VPS13B: variants seen among roughly 807,000 people sequenced by gnomAD.
VPS13B encodes intermembrane lipid transfer protein VPS13B.
In VPS13B, 285 loss-of-function variants were observed where a neutral mutation model predicts 426.4. That is an observed-to-expected ratio of 0.67 (90% CI 0.61 to 0.74). The LOEUF (loss-of-function observed/expected upper bound fraction) is 0.74. VPS13B is among the 30% of genes least tolerant of loss of function. The probability of loss-of-function intolerance (pLI) is 0.00; values close to 1 mark genes in which losing one functional copy is unlikely to be tolerated. For synonymous variants in VPS13B, 1,676 were observed against 1,676.4 expected, an observed-to-expected ratio of 1.00 and a Z score of 0.01; for missense variants, 4,537 against 4,782.6, an observed-to-expected ratio of 0.95 and a Z score of 1.51.
At chr8:99,198,441 ATTTTTC>A (rs891332793) in intron 17 of VPS13B, among the ~76,000 whole-genome samples, 2 of 151,774 alleles carry the variant, frequency 1.3e-5, no homozygotes, top group Non-Finnish European at 2.9e-5. Flanking sequence ...TGCTTTTATA[ATTTTTC>A]TTTTTCCTAG....
chr8:99,815,683 AT>A (rs1158718418), intron 44 of VPS13B, among the ~76,000 whole-genome samples: 6 of 152,168 alleles, frequency 3.9e-5, no homozygotes, highest in African/African-American at 1.4e-4. Context: ...TTCTGGAAAA[AT>A]ATTACAAATA....
intron 3 of VPS13B, among the ~76,000 whole-genome samples, chr8:99,045,171 C>T (rs888342194): frequency 2.0e-5 from 3 of 152,170 alleles, no homozygotes; most frequent in African/African-American, 7.2e-5. Context: ...TTCCCACCAG[C>T]AGTGTAGAAG....
At chr8:99,344,374 C>T (rs1377913581) in intron 19 of VPS13B, among the ~76,000 whole-genome samples, 1 of 152,142 alleles carries the variant, frequency 6.6e-6, no homozygotes, top group Non-Finnish European at 1.5e-5. Flanking sequence ...AGGGAAAGCT[C>T]CTCAATATTA....
chr8:99,086,516 T>G (rs1430604330), intron 3 of VPS13B, among the ~76,000 whole-genome samples: 3 of 152,318 alleles, frequency 2.0e-5, no homozygotes, highest in Middle Eastern at 3.4e-3. Flanking sequence ...CTGCGTTCCT[T>G]TGGAGGAGGA....
rs1304852415 is a variant in VPS13B, at chr8:99,671,839, C to CTT, written c.6046+10348_6046+10349insTT. 7.9e-5 allele frequency among the ~76,000 whole-genome samples: 12 copies of CTT among 152,228 alleles called. No individual in the cohort carries two copies. In the South Asian group the frequency reaches 8.3e-4, roughly 11 times the overall value. Reference sequence around the variant, plus strand: ...ATAAGGATCTACTTTCATTCTTCTGCATGGGCTAGCTAGCTTTCCCAACAG... The same window carrying CTT: ...ATAAGGATCTACTTTCATTCTTCTGCTTATGGGCTAGCTAGCTTTCCCAACAG... On this transcript the variant is annotated intron_variant, in intron 35 of 61. Transcript: ENST00000357162.
chr8:99,176,760 A>G (rs1241548466), intron 16 of VPS13B, among the ~76,000 whole-genome samples: 3 of 152,212 alleles, frequency 2.0e-5, no homozygotes, highest in Admixed American at 6.5e-5. Context: ...CAGGATTGCT[A>G]TAAGAAAGGA....
At chr8:99,612,250 A>G (rs1056950948) in intron 33 of VPS13B, among the ~76,000 whole-genome samples, 2 of 152,190 alleles carry the variant, frequency 1.3e-5, no homozygotes, top group Non-Finnish European at 2.9e-5. Flanking sequence ...TCAAATGAGA[A>G]TAAGAGTAGC....
chr8:99,136,019 A>G (rs1020363127), intron 11 of VPS13B, among the ~76,000 whole-genome samples: 8 of 151,998 alleles, frequency 5.3e-5, no homozygotes, highest in Non-Finnish European at 1.2e-4. Flanking sequence ...GTTACTTTTA[A>G]TGTGTGGGAT....
chr8:99,573,320 A>T (rs1187268769), intron 31 of VPS13B, among the ~76,000 whole-genome samples: 15 of 152,074 alleles, frequency 9.9e-5, no homozygotes, highest in Non-Finnish European at 1.9e-4. Flanking sequence ...CCCATTTGTC[A>T]ATTTTGGCTT....
rs561037074 is a variant in VPS13B at position 99,663,907 on chromosome 8, C to T, written c.6046+2416C>T. Among the ~76,000 whole-genome samples the T allele has an allele frequency of 1.1e-4, 16 of 151,860 alleles. 1 individual carries two copies. The South Asian group carries it at 3.3e-3, about 32-fold the overall frequency. ...TAAATTAGATACAATATTTTCAAGG[C>T]AACCAAATCAATTGAATTTTAAGAG... On this transcript the variant is annotated intron_variant, in intron 35 of 61. Transcript: ENST00000357162.
intron 19 of VPS13B, among the ~76,000 whole-genome samples, chr8:99,312,307 C>T (rs1004622635): frequency 2.7e-5 from 4 of 149,518 alleles, no homozygotes; most frequent in Non-Finnish European, 5.9e-5. Context: ...TGGCTGCTAC[C>T]AGTTGTTCCT....
Position 99,115,821 on chromosome 8 carries a change from G to A in VPS13B, c.884G>A (p.Gly295Asp), listed in dbSNP as rs1847627643. The A allele has an allele frequency of 6.2e-7, 1 of 1,613,694 alleles. No individual in the cohort carries two copies. The highest frequency in any genetic ancestry group is 1.3e-5 in the African/African-American group (1 of 75,026). ...YYGEIGNFKE[G>D]EIEDLTCHNK... ...GGAGAAATAGGCAATTTTAAAGAAGGCGAAATAGAGGACCTTACTTGTCAT... is the reference window on the plus strand; with the variant it reads ...GGAGAAATAGGCAATTTTAAAGAAGACGAAATAGAGGACCTTACTTGTCAT... The change falls in exon 7 of 62, where the codon GGC becomes GAC. Residue 295 changes from glycine to aspartate, a missense_variant. Transcript: ENST00000357162.
intron 33 of VPS13B, among the ~76,000 whole-genome samples, chr8:99,619,596 G>A (rs946843072): frequency 6.6e-6 from 1 of 152,166 alleles, no homozygotes; most frequent in Non-Finnish European, 1.5e-5. Context: ...GTCTGGCCAG[G>A]TATGGGAGTT....
chr8:99,836,508 G>C (rs535054292), intron 54 of VPS13B, among the ~76,000 whole-genome samples: 1 of 140,722 alleles, frequency 7.1e-6, no homozygotes, highest in African/African-American at 2.6e-5. Context: ...CAGATAAGTA[G>C]AATCATAAAA....
chr8:99,493,780 T>TAAAAAAAAAAAAAAA (rs376555643), intron 25 of VPS13B, among the ~76,000 whole-genome samples: 3 of 61,142 alleles, frequency 4.9e-5, no homozygotes, highest in African/African-American at 6.4e-5. Flanking sequence ...AGACTCTATC[T>TAAAAAAAAAAAAAAA]AAAAAAAAAA....
intron 17 of VPS13B, among the ~76,000 whole-genome samples, chr8:99,218,034 A>G (rs1233459249): frequency 6.6e-6 from 1 of 152,100 alleles, no homozygotes; most frequent in Non-Finnish European, 1.5e-5. Context: ...TGCTCCCTTA[A>G]AGGTATGCCA....
chr8:99,639,451 T>C (rs1173575627), intron 33 of VPS13B, among the ~76,000 whole-genome samples: 1 of 152,062 alleles, frequency 6.6e-6, no homozygotes, highest in Non-Finnish European at 1.5e-5. Context: ...TGAAAGAATA[T>C]GGTGTCTTCA....
chr8:99,169,453 A>G (rs1334571715), intron 15 of VPS13B, among the ~76,000 whole-genome samples: 1 of 151,996 alleles, frequency 6.6e-6, no homozygotes, highest in Non-Finnish European at 1.5e-5. Flanking sequence ...GCTTGTACAT[A>G]TGAAGAGTAA....
At chr8:99,431,494 T>G (rs772049704) in intron 21 of VPS13B, 43 bp from the exon 22 acceptor site, 32 of 1,609,146 alleles carry the variant, frequency 2.0e-5, no homozygotes, top group Non-Finnish European at 2.6e-5. Context: ...TGTGAAATTG[T>G]AAGTTATGTT....
Sources: allele counts gnomAD v4.1 joint callset (sites outside exome capture counted in the v4.1 genomes callset), GRCh38; gene constraint gnomAD v4.1.1; transcripts MANE v1.5; gene names NCBI Gene and HGNC (gene_info 2026-07-23, HGNC 2026-07-21).